Variants in GPR137B observed in about 807,000 individuals in gnomAD.
The protein encoded by GPR137B is integral membrane protein GPR137B.
In GPR137B, 42 loss-of-function variants were observed where a neutral mutation model predicts 42.5. That is an observed-to-expected ratio of 0.99 (90% confidence interval 0.77 to 1.28). The LOEUF (loss-of-function observed/expected upper bound fraction) is 1.28, where lower values mean the gene tolerates loss of function less well. Among genes scored for constraint, GPR137B ranks in the 50% most tolerant of loss-of-function variants. GPR137B has a pLI of 0.00. For synonymous variants in GPR137B, 218 were observed against 209.7 expected (o/e 1.04, Z -0.34); for missense variants, 487 against 493.9 (o/e 0.99, Z 0.13).
At chr1:236,186,235 A>AATAT (rs1663016387) in intron 5 of GPR137B, among the ~76,000 whole-genome samples, 1 of 25,856 alleles carries the variant, frequency 3.9e-5, no homozygotes, top group African/African-American at 9.7e-5. Context: ...TATAATATAT[A>AATAT]ATAATATAAA....
chr1:236,207,055 C>T, intron 6 of GPR137B: 1 of 669,678 alleles, frequency 1.5e-6, no homozygotes, highest in Non-Finnish European at 1.8e-6. Flanking sequence ...ATATGCTTGC[C>T]TTTTTACTCC....
At chr1:236,184,380 C>G (rs2102914435) in intron 5 of GPR137B, among the ~76,000 whole-genome samples, 1 of 152,274 alleles carries the variant, frequency 6.6e-6, no homozygotes, top group Non-Finnish European at 1.5e-5. Flanking sequence ...TAAACCTGCT[C>G]CCCTAGTTTG....
Position 236,168,466 on chromosome 1 carries a change from A to G in GPR137B, c.415-240A>G, listed in dbSNP as rs1316960668. Among the ~76,000 whole-genome samples the G allele has an allele frequency of 2.0e-5, 3 of 151,610 alleles. 1 individual carries two copies. Among genetic ancestry groups the G allele is most frequent in the South Asian group, 4.2e-4 (2 of 4,796 alleles). On this transcript the variant is annotated intron_variant, in intron 1 of 6. Transcript: ENST00000366592. ...AGAATCTGAACAGAAGTACTTGGCC[A>G]TGGTAGACTAGTAATACATTTAGTT...
intron 1 of GPR137B, among the ~76,000 whole-genome samples, chr1:236,163,108 ATCACTG>A (rs1662246191): frequency 6.6e-6 from 1 of 152,232 alleles, no homozygotes; most frequent in Admixed American, 6.5e-5. Context: ...CACCTCTTGC[ATCACTG>A]TGACCTGGAT....
chr1:236,160,840 C>T (rs1662170525), intron 1 of GPR137B, among the ~76,000 whole-genome samples: 3 of 152,130 alleles, frequency 2.0e-5, no homozygotes, highest in South Asian at 2.1e-4. Context: ...CTCTCCCCTG[C>T]AGTCTTTGAG....
intron 1 of GPR137B, among the ~76,000 whole-genome samples, chr1:236,148,530 A>G (rs1389255826): frequency 6.6e-6 from 1 of 152,118 alleles, no homozygotes; most frequent in East Asian, 1.9e-4. Flanking sequence ...CTCCATGGGG[A>G]GAGGTGCTGT....
chr1:236,207,336 C>T, intron 6 of GPR137B: 1 of 919,588 alleles, frequency 1.1e-6, no homozygotes, highest in African/African-American at 1.8e-5. Flanking sequence ...AAAAGCTGTC[C>T]TTTGGGTCAC....
chr1:236,161,833 G>A lies in GPR137B; in HGVS notation c.415-6873G>A, dbSNP rs571564546. ...ACTCTGAGGCCTCCCCAGCCATGTG[G>A]AATTGTTAAGTCCAATTAAACCTCT... On this transcript the variant is annotated intron_variant, in intron 1 of 6. Coordinates refer to ENST00000366592, the MANE Select transcript of GPR137B (RefSeq NM_003272.4). Among the ~76,000 whole-genome samples the A allele has an allele frequency of 7.2e-4, 109 of 152,242 alleles. No individual in the cohort carries two copies. In the South Asian group the frequency reaches 0.011, roughly 15 times the overall value.
intron 1 of GPR137B, among the ~76,000 whole-genome samples, chr1:236,149,792 G>A (rs1317033675): frequency 2.6e-5 from 4 of 152,272 alleles, no homozygotes; most frequent in East Asian, 1.9e-4. Context: ...GGCTCCCTGC[G>A]GAGCTAGCTC....
At chr1:236,170,760 G>T (rs1662510370) in intron 2 of GPR137B, among the ~76,000 whole-genome samples, 1 of 152,138 alleles carries the variant, frequency 6.6e-6, no homozygotes, top group Non-Finnish European at 1.5e-5. Context: ...TAGGTCATTT[G>T]AGGTCAGGAG....
intron 5 of GPR137B, among the ~76,000 whole-genome samples, chr1:236,202,093 G>C (rs1021151496): frequency 1.3e-5 from 2 of 152,048 alleles, no homozygotes; most frequent in East Asian, 3.8e-4. Context: ...GTCCTGTGAT[G>C]CAATTCATCT....
chr1:236,146,790 G>A (rs1165268039), intron 1 of GPR137B, among the ~76,000 whole-genome samples: 1 of 152,120 alleles, frequency 6.6e-6, no homozygotes, highest in African/African-American at 2.4e-5. Context: ...GACCTCTCAG[G>A]CAGATCCTAT....
At chr1:236,168,798 G>A (rs764521346) in intron 2 of GPR137B, 43 bp downstream of exon 2, 2 of 1,338,484 alleles carry the variant, frequency 1.5e-6, no homozygotes, top group South Asian at 2.3e-5. Flanking sequence ...GAAGGGGAAA[G>A]TGCCGACACA....
chr1:236,207,451 T>C (rs1200963669), intron 6 of GPR137B, among the ~76,000 whole-genome samples: 1 of 152,234 alleles, frequency 6.6e-6, no homozygotes, highest in Non-Finnish European at 1.5e-5. Context: ...CTGCTAGAGC[T>C]GTCCCACCCT....
At chr1:236,152,645 T>G (rs1421343251) in intron 1 of GPR137B, among the ~76,000 whole-genome samples, 2 of 151,302 alleles carry the variant, frequency 1.3e-5, no homozygotes, top group African/African-American at 2.4e-5. Flanking sequence ...TCCCAGCCAT[T>G]GAGGAGGCTG....
In GPR137B at chr1:236,142,901, C is replaced by G. The variant is rs377577748; in HGVS notation, c.279C>G (p.Thr93=). The G allele has an allele frequency of 1.2e-6, 2 of 1,614,234 alleles. No individual in the cohort carries two copies. Among genetic ancestry groups the G allele is most frequent in the South Asian group, 2.2e-5 (2 of 91,092 alleles). Residue 93 remains threonine (T), a synonymous_variant, in exon 1 of 7, where the codon ACC becomes ACG. Coordinates refer to ENST00000366592, the MANE Select transcript of GPR137B (RefSeq NM_003272.4). ...FLCLFWASLR[T]VLFSFYFKDF... ...GCCTCTTCTGGGCCTCCCTGCGGAC[C>G]GTCCTCTTCTCCTTCTACTTCAAAG...
At chr1:236,168,988 G>C (rs1356159527) in intron 2 of GPR137B, among the ~76,000 whole-genome samples, 1 of 152,352 alleles carries the variant, frequency 6.6e-6, no homozygotes, top group African/African-American at 2.4e-5. Context: ...ACCCAGTTCA[G>C]AAACAAGAGC....
At position 236,178,529 on chromosome 1, in the gene GPR137B, C is replaced by T. The variant is rs745612968; in HGVS notation, c.580C>T (p.Arg194Ter). Residue 194 changes from arginine (R) to a stop codon, truncating the protein, a stop_gained, in exon 3 of 7, where the codon CGA (arginine) becomes TGA (stop). Transcript: ENST00000366592. LOFTEE classifies it high-confidence loss of function. The stretch of plus-strand genomic sequence containing the variant: ...GGAGAGGAAGGTTATCGTCTCTGTG[C>T]GAGTGGCCATTAATGACACGCTCTT... ...NWERKVIVSV[R>*]VAINDTLFVL... is the part of the protein sequence containing the mutation. The T allele has an allele frequency of 1.7e-5, 28 of 1,612,672 alleles. No individual in the cohort carries two copies. Among genetic ancestry groups the T allele is most frequent in the Non-Finnish European group, 2.1e-5 (25 of 1,179,118 alleles).
chr1:236,160,280 G>T (rs1662149528), intron 1 of GPR137B, among the ~76,000 whole-genome samples: 1 of 152,122 alleles, frequency 6.6e-6, no homozygotes, highest in South Asian at 2.1e-4. Context: ...AGGCTGTGTG[G>T]AGCCCAAGGA....
Sources: allele counts gnomAD v4.1 joint callset (sites outside exome capture counted in the v4.1 genomes callset), GRCh38; gene constraint gnomAD v4.1.1; transcripts MANE v1.5; gene names NCBI Gene and HGNC (gene_info 2026-07-23, HGNC 2026-07-21).